The following THADA variants were observed in gnomAD, a reference collection of about 807,000 sequenced individuals.
The protein encoded by THADA is tRNA (32-2'-O)-methyltransferase regulator THADA.
A neutral mutation model predicts 219.8 loss-of-function variants in THADA; 213 were observed. The ratio of observed to expected loss-of-function variants is 0.97; its 90% CI spans 0.87 to 1.09. THADA has a LOEUF of 1.09. THADA is among the 50% of genes least tolerant of loss of function. The pLI is 0.00. For missense variants in THADA, 2,956 were observed against 2,311.3 expected, an observed-to-expected ratio of 1.28 and a Z score of -5.72; for synonymous variants, 1,018 against 828.9, an observed-to-expected ratio of 1.23 and a Z score of -3.92.
chr2:43,566,703 G>A lies in THADA; in HGVS notation c.2306C>T (p.Pro769Leu), dbSNP rs1698729292. 6.2e-7 allele frequency: 1 copy of A among 1,606,376 alleles called. No homozygotes were observed. The highest frequency in any genetic ancestry group is 1.3e-5 in the African/African-American group (1 of 74,376). The change falls in exon 15 of 38, where the codon CCA becomes CTA. Residue 769 changes from proline to leucine, a missense_variant. By Grantham distance (98) the Pro-to-Leu change is moderately conservative. Transcript: ENST00000405975. ...TAACATTATTAAACACTTACCTTCT[G>A]GGACATGAAAAACTTCAGCTATTGA... ...LGSIAEVFHV[P>L]EGRIYTVYQL...
chr2:43,305,755 T>C (rs1312490277), intron 31 of THADA, among the ~76,000 whole-genome samples: 1 of 152,034 alleles, frequency 6.6e-6, no homozygotes, highest in East Asian at 1.9e-4. Flanking sequence ...GCTTTTACTA[T>C]TGCCTCCACC....
At chr2:43,430,067 G>T in intron 27 of THADA, 146 bp downstream of exon 27, 1 of 448,768 alleles carries the variant, frequency 2.2e-6, no homozygotes, top group Non-Finnish European at 3.9e-6. Context: ...GGGTGACAGG[G>T]AAAGACCCTG....
chr2:43,356,524 T>C (rs1668888468), intron 29 of THADA, among the ~76,000 whole-genome samples: 1 of 152,214 alleles, frequency 6.6e-6, no homozygotes, highest in Admixed American at 6.5e-5. Context: ...AAATATCTGC[T>C]AATTCCCCTA....
At chr2:43,372,659 TTCATG>T (rs1377663772) in intron 29 of THADA, among the ~76,000 whole-genome samples, 1 of 152,220 alleles carries the variant, frequency 6.6e-6, no homozygotes, top group Non-Finnish European at 1.5e-5. Flanking sequence ...GCATGCCTGT[TTCATG>T]TCACCAAAAA....
chr2:43,432,974 A>G (rs1026669988), intron 26 of THADA, among the ~76,000 whole-genome samples: 7 of 152,194 alleles, frequency 4.6e-5, no homozygotes, highest in African/African-American at 1.4e-4. Context: ...AATTTTTGAC[A>G]AAGTTCACTA....
chr2:43,556,559 G>A lies in THADA; in HGVS notation c.2464-4C>T. 1 of 1,612,894 alleles carries A rather than the reference G, an allele frequency of 6.2e-7. No individual in the cohort carries two copies. Among genetic ancestry groups the A allele is most frequent in the Non-Finnish European group, 8.5e-7 (1 of 1,179,280 alleles). ...AGCCTTGCAGTTTCCCCGAATCCTA[G>A]AATAAAGCGCAGACTCAGTAACTGT... On this transcript the variant is annotated splice_polypyrimidine_tract_variant and splice_region_variant and intron_variant, in intron 16 of 37. Transcript: ENST00000405975.
intron 21 of THADA, among the ~76,000 whole-genome samples, chr2:43,535,356 T>C (rs754542344): frequency 3.3e-5 from 5 of 151,622 alleles, no homozygotes; most frequent in East Asian, 1.9e-4. Context: ...TTACTTTTTG[T>C]TGTCTATGCT....
intron 25 of THADA, among the ~76,000 whole-genome samples, chr2:43,496,393 T>C (rs1446036755): frequency 6.6e-6 from 1 of 152,232 alleles, no homozygotes; most frequent in Non-Finnish European, 1.5e-5. Flanking sequence ...TTCTGGACAG[T>C]GAACATATTA....
intron 36 of THADA, among the ~76,000 whole-genome samples, chr2:43,263,991 C>A (rs1252807991): frequency 6.6e-6 from 1 of 152,040 alleles, no homozygotes; most frequent in Non-Finnish European, 1.5e-5. Context: ...AAAATAAGAA[C>A]AGTGGGTTTT....
chr2:43,314,750 T>A (rs1400221439), intron 31 of THADA, among the ~76,000 whole-genome samples: 2 of 152,202 alleles, frequency 1.3e-5, no homozygotes, highest in Non-Finnish European at 2.9e-5. Flanking sequence ...TTTCTTTCCA[T>A]TCCAGCAGGA....
Position 43,571,708 on chromosome 2 carries a change from T to G in THADA, c.2063A>C (p.Lys688Thr). 6.2e-7 allele frequency: 1 copy of G among 1,606,392 alleles called. No individual in the cohort carries two copies. The highest frequency in any genetic ancestry group is 8.5e-7 in the Non-Finnish European group (1 of 1,176,526). ...ATGCCTTCTGATGGGAAATTCTACCTTTTTAAGAAGAGAACAGATCTGTTG... is the reference window on the plus strand; with the variant it reads ...ATGCCTTCTGATGGGAAATTCTACCGTTTTAAGAAGAGAACAGATCTGTTG... ...VRQQICSLLK[K>T]LFCRIQESSQ... is the part of the protein sequence containing the mutation. Residue 688 changes from lysine (K) to threonine (T), a missense_variant and splice_region_variant, in exon 13 of 38, where the codon AAG becomes ACG. By Grantham distance (78) the Lys-to-Thr change is moderately conservative. Transcript: ENST00000405975.
chr2:43,595,800 T>A (rs1437224012), intron 1 of THADA, 131 bp downstream of exon 1: 1 of 152,196 alleles, frequency 6.6e-6, no homozygotes, highest in Admixed American at 6.5e-5. Context: ...CGACCGGAAA[T>A]CAGTTTCACA....
intron 29 of THADA, among the ~76,000 whole-genome samples, chr2:43,358,134 C>A (rs1435725385): frequency 6.6e-6 from 1 of 152,022 alleles, no homozygotes. Context: ...CCATTTTATC[C>A]CATGTATGAA....
In THADA at chr2:43,236,036, C is replaced by G. The variant is rs138991423; in HGVS notation, c.5297-3154G>C. On this transcript the variant is annotated intron_variant, in intron 36 of 37. Transcript: ENST00000405975. Reference sequence around the variant, plus strand: ...GTGTTAGCCATGATGGTCTCGATCTCCTGACCTTGTGATCCACCTGCCTCG... The same window carrying G: ...GTGTTAGCCATGATGGTCTCGATCTGCTGACCTTGTGATCCACCTGCCTCG... Among the ~76,000 whole-genome samples, 344 of 152,268 alleles carry G rather than the reference C, an allele frequency of 2.3e-3. 3 individuals carry two copies. Among genetic ancestry groups the G allele is most frequent in the African/African-American group, 8.0e-3 (334 of 41,548 alleles).
chr2:43,543,407 C>G (rs62138773), intron 20 of THADA, among the ~76,000 whole-genome samples: 82 of 150,942 alleles, frequency 5.4e-4, no homozygotes, highest in Middle Eastern at 6.8e-3. Context: ...GGATGGCTGG[C>G]TCAAATGGTA....
At chr2:43,427,978 T>C (rs1678707050) in intron 28 of THADA, 122 bp downstream of exon 28, 3 of 466,358 alleles carry the variant, frequency 6.4e-6, no homozygotes, top group Non-Finnish European at 8.6e-6. Context: ...AACAAACAAA[T>C]AATATATATA....
rs1169874500 is a variant in THADA, at chr2:43,590,955, C to CTATA, written c.172-5_172-2dup. 6.2e-7 allele frequency: 1 copy of CTATA among 1,607,896 alleles called. No individual in the cohort carries two copies. The highest frequency in any genetic ancestry group is 1.7e-5 in the Admixed American group (1 of 58,750). On this transcript the variant is annotated splice_acceptor_variant, in intron 3 of 37. Coordinates refer to ENST00000405975, the MANE Select transcript of THADA (RefSeq NM_022065.5). LOFTEE classifies it high-confidence loss of function. Reference sequence around the variant, plus strand: ...CTGCTTTCTCCAGCAGAGGCACAATCTATAATACAAAACATTGAAGTAATT... The same window carrying CTATA: ...CTGCTTTCTCCAGCAGAGGCACAATCTATATATAATACAAAACATTGAAGTAATT...
chr2:43,339,859 T>G (rs1666881488), intron 30 of THADA, among the ~76,000 whole-genome samples: 1 of 152,014 alleles, frequency 6.6e-6, no homozygotes, highest in South Asian at 2.1e-4. Context: ...CTTGGAAGAC[T>G]CTGGTGGGAG....
At chr2:43,350,843 CCCAAAACATGACACCTTA>C (rs1668172249) in intron 29 of THADA, among the ~76,000 whole-genome samples, 1 of 152,088 alleles carries the variant, frequency 6.6e-6, no homozygotes, top group Non-Finnish European at 1.5e-5. Context: ...TTGCTAAGTC[CCCAAAACATGACACCTTA>C]CTGTGTTGTG....
Sources: gnomAD v4.1 joint callset for allele counts (sites outside exome capture counted in the v4.1 genomes callset) on GRCh38, gnomAD v4.1.1 for gene constraint, MANE v1.5 for transcripts, NCBI Gene and HGNC (gene_info 2026-07-23, HGNC 2026-07-21) for gene names.